EZR: variants seen among roughly 807,000 people sequenced by gnomAD.
EZR encodes the protein cytovillin 2.
Under a neutral mutation model 74.8 loss-of-function variants are expected in EZR, and 40 were observed. That is an observed-to-expected ratio of 0.53 (90% CI 0.42 to 0.70). The LOEUF is 0.70. Ranked by LOEUF, EZR falls within the 30% of genes least tolerant of loss-of-function variation. The probability of loss-of-function intolerance (pLI) is 0.00; values close to 1 mark genes in which losing one functional copy is unlikely to be tolerated. For synonymous variants in EZR, 341 were observed against 283.3 expected, an observed-to-expected ratio of 1.20 and a Z score of -2.05; for missense variants, 678 against 755.8, an observed-to-expected ratio of 0.90 and a Z score of 1.21.
chr6:158,806,853 T>A (rs1206139866), intron 2 of EZR, among the ~76,000 whole-genome samples: 1 of 152,110 alleles, frequency 6.6e-6, no homozygotes, highest in African/African-American at 2.4e-5. Context: ...TACTTCAACA[T>A]CCCAGCAGCC....
intron 2 of EZR, among the ~76,000 whole-genome samples, chr6:158,791,705 C>CTTTTTTT (rs1562499412): frequency 4.8e-5 from 3 of 62,582 alleles, no homozygotes; most frequent in Admixed American, 2.4e-4. Context: ...TTTCAGACTC[C>CTTTTTTT]ATTTTTTTTT....
chr6:158,813,259 A>G (rs1475488163), intron 2 of EZR, among the ~76,000 whole-genome samples: 2 of 151,126 alleles, frequency 1.3e-5, no homozygotes, highest in Non-Finnish European at 2.9e-5. Flanking sequence ...TGCCTTCCTG[A>G]CCTCCCCTAT....
chr6:158,783,328 A>G (rs1417253131), intron 7 of EZR, among the ~76,000 whole-genome samples, 192 bp downstream of exon 7: 1 of 147,576 alleles, frequency 6.8e-6, no homozygotes, highest in African/African-American at 2.5e-5. Flanking sequence ...ACCATGAGAG[A>G]GGATAACCCA....
intron 2 of EZR, among the ~76,000 whole-genome samples, chr6:158,802,464 T>C (rs763080777): frequency 5.3e-5 from 8 of 152,246 alleles, no homozygotes; most frequent in Non-Finnish European, 1.0e-4. Context: ...AAACACCTTA[T>C]AGTTTAGTTC....
intron 2 of EZR, among the ~76,000 whole-genome samples, chr6:158,804,466 G>T (rs1425736797): frequency 6.6e-6 from 1 of 152,154 alleles, no homozygotes; most frequent in Non-Finnish European, 1.5e-5. Context: ...TGTGATTTCA[G>T]TTTCACTAGG....
chr6:158,815,426 T>A (rs1186591177), intron 2 of EZR, among the ~76,000 whole-genome samples: 2 of 152,122 alleles, frequency 1.3e-5, no homozygotes, highest in South Asian at 2.1e-4. Flanking sequence ...CAGGGAGAAA[T>A]TTCCCATGGC....
chr6:158,815,937 T>A (rs1777543956), intron 2 of EZR, among the ~76,000 whole-genome samples: 2 of 152,190 alleles, frequency 1.3e-5, no homozygotes, highest in African/African-American at 4.8e-5. Context: ...TAAGTTCTGA[T>A]CTATCATAAA....
chr6:158,790,901 AAT>A (rs1477436308), intron 2 of EZR, among the ~76,000 whole-genome samples: 1 of 152,228 alleles, frequency 6.6e-6, no homozygotes, highest in Non-Finnish European at 1.5e-5. Context: ...TTTCAAGTGA[AAT>A]ATACAGAAGC....
In EZR at chr6:158,771,276, G is replaced by A. The variant is rs368865415; in HGVS notation, c.927C>T (p.Ala309=). ...GCTGCTTCTGATGCTTCTCCTCCCG[G>A]GCCTGGGCCTTCATCTGCTGCACCT... ...TIEVQQMKAQ[A]REEKHQKQLE... The change falls in exon 9 of 14, where the codon GCC becomes GCT. Residue 309 remains alanine (A), a synonymous_variant. Coordinates refer to ENST00000367075, the MANE Select transcript of EZR (RefSeq NM_001111077.2). 1.2e-6 allele frequency: 2 copies of A among 1,613,900 alleles called. No individual in the cohort carries two copies. The highest frequency in any genetic ancestry group is 1.3e-5 in the African/African-American group (1 of 74,898).
In EZR at chr6:158,787,111, C is replaced by T; in HGVS notation, c.189G>A (p.Lys63=). The T allele has an allele frequency of 6.2e-7, 1 of 1,613,040 alleles. No individual in the cohort carries two copies. The highest frequency in any genetic ancestry group is 8.5e-7 in the Non-Finnish European group (1 of 1,179,068). ...KGFPTWLKLD[K]KVSAQEVRKE... is the part of the protein sequence containing the mutation. ...TAAATAGTTAATCCTGACTTGCCTTCTTATCCAGCTTCAGCCAGGTAGGAA... is the reference window on the plus strand; with the variant it reads ...TAAATAGTTAATCCTGACTTGCCTTTTTATCCAGCTTCAGCCAGGTAGGAA... The change falls in exon 4 of 14, where the codon AAG becomes AAA. Residue 63 remains lysine, a synonymous_variant. Coordinates refer to ENST00000367075, the MANE Select transcript of EZR (RefSeq NM_001111077.2).
chr6:158,806,827 G>A (rs1471567290), intron 2 of EZR, among the ~76,000 whole-genome samples: 1 of 152,074 alleles, frequency 6.6e-6, no homozygotes, highest in Non-Finnish European at 1.5e-5. Flanking sequence ...AAACAGCAAT[G>A]GATTATGTAA....
intron 2 of EZR, among the ~76,000 whole-genome samples, chr6:158,817,601 A>G (rs1777586229): frequency 6.6e-6 from 1 of 152,204 alleles, no homozygotes; most frequent in African/African-American, 2.4e-5. Context: ...CTGAAAGGCA[A>G]CTTCCGAAAG....
chr6:158,805,878 A>G (rs1777326973), intron 2 of EZR, among the ~76,000 whole-genome samples: 1 of 152,076 alleles, frequency 6.6e-6, no homozygotes, highest in African/African-American at 2.4e-5. Context: ...ATCCCTGCCC[A>G]CAGCCCCAGT....
At chr6:158,778,340 A>G (rs1026252344) in intron 7 of EZR, among the ~76,000 whole-genome samples, 9 of 152,232 alleles carry the variant, frequency 5.9e-5, no homozygotes, top group African/African-American at 1.9e-4. Flanking sequence ...GTGTGCCTAG[A>G]AAGTTTTTCC....
intron 7 of EZR, among the ~76,000 whole-genome samples, chr6:158,780,562 C>G (rs573013604): frequency 6.6e-6 from 1 of 152,286 alleles, no homozygotes; most frequent in African/African-American, 2.4e-5. Flanking sequence ...GCTCCTGTTT[C>G]AGTCCCCAAG....
rs374945393 is a variant in EZR at position 158,770,829 on chromosome 6, C to T, written c.1025G>A (p.Arg342His). ...TVEREKEQMM[R>H]EKEELMLRLQ... ...CCGCAGCATCAACTCCTCCTTCTCGCGCATCATCTGCTCTTTCTCTCTCTC... is the reference window on the plus strand; with the variant it reads ...CCGCAGCATCAACTCCTCCTTCTCGTGCATCATCTGCTCTTTCTCTCTCTC... The change falls in exon 10 of 14, where the codon CGC (arginine) becomes CAC (histidine). Residue 342 changes from arginine (R) to histidine (H), a missense_variant. Arg to His is a conservative substitution (Grantham distance 29, BLOSUM62 0). Around this residue, in one of 3 missense-constraint regions of EZR, gnomAD observed 342 missense variants for 341.2 expected, o/e 1.00. Transcript: ENST00000367075. 2.3e-5 allele frequency: 37 copies of T among 1,614,224 alleles called. No individual in the cohort carries two copies. Among genetic ancestry groups the T allele is most frequent in the Admixed American group, 1.3e-4 (8 of 60,026 alleles).
rs530718588 is a variant in EZR at position 158,781,355 on chromosome 6, T to C, written c.698+2165A>G. 1.7e-3 allele frequency among the ~76,000 whole-genome samples: 264 copies of C among 152,306 alleles called. 2 individuals carry two copies. Among genetic ancestry groups the C allele is most frequent in the African/African-American group, 6.2e-3 (258 of 41,568 alleles). On this transcript the variant is annotated intron_variant, in intron 7 of 13. Coordinates refer to ENST00000367075, the MANE Select transcript of EZR (RefSeq NM_001111077.2). ...AGTGAGCCTGCCCAACACCCCAGCA[T>C]GCTCTGTGGGGAAAGAACCATCTGA...
At chr6:158,778,697 C>T (rs978231735) in intron 7 of EZR, among the ~76,000 whole-genome samples, 11 of 152,160 alleles carry the variant, frequency 7.2e-5, no homozygotes, top group Admixed American at 5.2e-4. Flanking sequence ...AAGGATGAAC[C>T]TGGTGCATCT....
At chr6:158,816,466 A>G (rs1777556246) in intron 2 of EZR, among the ~76,000 whole-genome samples, 1 of 152,194 alleles carries the variant, frequency 6.6e-6, no homozygotes, top group African/African-American at 2.4e-5. Flanking sequence ...TTTTAGTGAA[A>G]TAAAGAAAAC....
Sources: gnomAD v4.1 joint callset for allele counts (sites outside exome capture counted in the v4.1 genomes callset) on GRCh38, gnomAD v4.1.1 for gene constraint, gnomAD v4.1.1 regional missense constraint, MANE v1.5 for transcripts, NCBI Gene and HGNC (gene_info 2026-07-23, HGNC 2026-07-21) for gene names.